Variants in CYP4F2 observed in about 807,000 individuals in gnomAD.
CYP4F2 encodes cytochrome P450 family 4 subfamily F member 2.
In CYP4F2, 58 loss-of-function variants were observed where a neutral mutation model predicts 58.9. The observed-to-expected ratio is 0.98, with a 90% CI of 0.80 to 1.23. The LOEUF (loss-of-function observed/expected upper bound fraction) is 1.23, where lower values mean the gene tolerates loss of function less well. Ranked by LOEUF, CYP4F2 falls within the 50% of genes most tolerant of loss-of-function variation. CYP4F2 has a pLI of 0.00. For synonymous variants in CYP4F2, 287 were observed against 261.1 expected (o/e 1.10, Z -0.95); for missense variants, 616 against 685.6 (o/e 0.90, Z 1.13).
chr19:15,887,773 G>A (rs1425888615), intron 7 of CYP4F2, among the ~76,000 whole-genome samples: 2 of 151,452 alleles, frequency 1.3e-5, no homozygotes, highest in Admixed American at 6.6e-5. Context: ...CATAGACACA[G>A]ATATAGACAC....
At position 15,878,678 on chromosome 19, in the gene CYP4F2, G is replaced by C; in HGVS notation, c.*93C>G. 2.0e-6 allele frequency: 3 copies of C among 1,519,366 alleles called. No individual in the cohort carries two copies. Among genetic ancestry groups the C allele is most frequent in the East Asian group, 2.3e-5 (1 of 43,448 alleles). 94.1% of individuals were successfully genotyped at this position (1,519,366 alleles called of 1,614,324 possible). On this transcript the variant is annotated 3_prime_UTR_variant, in exon 13 of 13. Coordinates refer to ENST00000221700, the MANE Select transcript of CYP4F2 (RefSeq NM_001082.5). ...GAGTAGATATCTAGGATGGAATACAGGACTGTGGAACAGGGTCTTAGGGTA... is the reference window on the plus strand; with the variant it reads ...GAGTAGATATCTAGGATGGAATACACGACTGTGGAACAGGGTCTTAGGGTA...
Position 15,878,732 on chromosome 19 carries a change from G to A in CYP4F2, c.*39C>T, listed in dbSNP as rs1387577623. The A allele has an allele frequency of 1.9e-6, 3 of 1,607,926 alleles. No homozygotes were observed. The highest frequency in any genetic ancestry group is 1.7e-5 in the Admixed American group (1 of 59,494). The stretch of plus-strand genomic sequence containing the variant: ...CTAGGCTTCACTTTTGATGAATCAG[G>A]GGTCATTTTAGTGGGGTCAGAGTGG... On this transcript the variant is annotated 3_prime_UTR_variant, in exon 13 of 13. Coordinates refer to ENST00000221700, the MANE Select transcript of CYP4F2 (RefSeq NM_001082.5).
At chr19:15,884,727 G>A (rs1338199500) in intron 9 of CYP4F2, among the ~76,000 whole-genome samples, 1 of 152,180 alleles carries the variant, frequency 6.6e-6, no homozygotes, top group East Asian at 1.9e-4. Context: ...GTGTGGACGA[G>A]AGGACACTGA....
intron 3 of CYP4F2, among the ~76,000 whole-genome samples, chr19:15,893,393 T>C (rs532470223): frequency 6.6e-6 from 1 of 152,156 alleles, no homozygotes; most frequent in South Asian, 2.1e-4. Flanking sequence ...GGCCCTCACA[T>C]GCCCCAAATG....
In CYP4F2 at chr19:15,878,941, G is replaced by A. The variant is rs1049145392; in HGVS notation, c.1398-5C>T. 6 of 1,612,570 alleles carry A rather than the reference G, an allele frequency of 3.7e-6. No individual in the cohort carries two copies. The highest frequency in any genetic ancestry group is 1.3e-5 in the African/African-American group (1 of 74,926). ...AACGTCTGCCCGATGCAGTTCCTAG[G>A]GGAGGGAGGTGGGAACTCTGACTGC... On this transcript the variant is annotated splice_polypyrimidine_tract_variant and splice_region_variant and intron_variant, in intron 12 of 12. Transcript: ENST00000221700.
chr19:15,892,535 A>G lies in CYP4F2; in HGVS notation c.391T>C (p.Trp131Arg), dbSNP rs753729579. 1.9e-6 allele frequency: 3 copies of G among 1,614,016 alleles called. No individual in the cohort carries two copies. The highest frequency in any genetic ancestry group is 2.7e-5 in the African/African-American group (2 of 74,918). ...DKFFYSFLEP[W>R]LGDGLLLSAG... The stretch of plus-strand genomic sequence containing the variant: ...TTCACCTGCAGATACTCACCCAGCC[A>G]GGGCTCCAGGAAGCTGTAGAAGAAC... Residue 131 changes from tryptophan to arginine, a missense_variant, in exon 4 of 13, where the codon TGG becomes CGG. Transcript: ENST00000221700.
At chr19:15,892,484 GC>G (rs749173384) in intron 4 of CYP4F2, 44 bp downstream of exon 4, 4 of 1,613,768 alleles carry the variant, frequency 2.5e-6, no homozygotes, top group African/African-American at 1.3e-5. Flanking sequence ...CCCTCCCCTG[GC>G]CCCCCAACGT....
intron 5 of CYP4F2, 127 bp from the exon 6 acceptor site, chr19:15,890,560 G>A: frequency 1.4e-6 from 2 of 1,423,256 alleles, no homozygotes. Context: ...CCCCTCCCCA[G>A]GGAGCACCAG....
At position 15,878,863 on chromosome 19, in the gene CYP4F2, C is replaced by A. The variant is rs1250811375; in HGVS notation, c.1471G>T (p.Val491Phe). Residue 491 changes from valine (V) to phenylalanine (F), a missense_variant, in exon 13 of 13, where the codon GTC (valine) becomes TTC (phenylalanine). Coordinates refer to ENST00000221700, the MANE Select transcript of CYP4F2 (RefSeq NM_001082.5). The stretch of plus-strand genomic sequence containing the variant: ...CGGGGCTCGGTGTGGTCAGGCAGGA[C>A]GCGGAAGCGCAGCAGCGTGAGCGCC... ...VLALTLLRFR[V>F]LPDHTEPRRK... 6.2e-7 allele frequency: 1 copy of A among 1,613,906 alleles called. No homozygotes were observed. Among genetic ancestry groups the A allele is most frequent in the Non-Finnish European group, 8.5e-7 (1 of 1,179,996 alleles).
chr19:15,896,476 T>C (rs909971348), intron 2 of CYP4F2, among the ~76,000 whole-genome samples: 2 of 152,012 alleles, frequency 1.3e-5, no homozygotes, highest in African/African-American at 4.8e-5. Context: ...TATGGGGAGG[T>C]CCTCACAGGG....
intron 6 of CYP4F2, among the ~76,000 whole-genome samples, chr19:15,889,941 C>T (rs751478482): frequency 1.3e-5 from 2 of 152,262 alleles, no homozygotes; most frequent in East Asian, 1.9e-4. Context: ...ACATTATTCT[C>T]CTATTCTCTC....
At chr19:15,890,562 G>A in intron 5 of CYP4F2, 129 bp from the exon 6 acceptor site, 1 of 1,425,516 alleles carries the variant, frequency 7.0e-7, no homozygotes, top group Non-Finnish European at 9.4e-7. Context: ...CCTCCCCAGG[G>A]AGCACCAGGT....
intron 9 of CYP4F2, among the ~76,000 whole-genome samples, chr19:15,880,996 G>T (rs1462048007): frequency 4.6e-5 from 7 of 152,188 alleles, no homozygotes; most frequent in Non-Finnish European, 1.0e-4. Context: ...TACATGCAAG[G>T]AATGGTCACT....
At chr19:15,889,933 A>G (rs1213542228) in intron 6 of CYP4F2, among the ~76,000 whole-genome samples, 2 of 152,006 alleles carry the variant, frequency 1.3e-5, no homozygotes, top group African/African-American at 4.8e-5. Flanking sequence ...TAGCTTGCAC[A>G]TTATTCTCCT....
chr19:15,896,149 T>C (rs2089446723), intron 2 of CYP4F2, among the ~76,000 whole-genome samples: 1 of 151,508 alleles, frequency 6.6e-6, no homozygotes, highest in South Asian at 2.1e-4. Flanking sequence ...ATCTATTCTA[T>C]TATCTATCTA....
intron 1 of CYP4F2, 125 bp from the exon 2 acceptor site, chr19:15,897,737 G>T (rs1469164113): frequency 2.5e-5 from 29 of 1,183,128 alleles, no homozygotes; most frequent in Non-Finnish European, 3.4e-5. Flanking sequence ...CTCAGGGATG[G>T]GTAAAAAGGG....
At position 15,884,911 on chromosome 19, in the gene CYP4F2, AC is replaced by A. The variant is rs549950722; in HGVS notation, c.1115+1012del. 3.7e-4 allele frequency among the ~76,000 whole-genome samples: 56 copies of A among 152,236 alleles called. 1 individual carries two copies. The East Asian group carries it at 9.1e-3, about 25-fold the overall frequency. On this transcript the variant is annotated intron_variant, in intron 9 of 12. Transcript: ENST00000221700. ...GTACCCAGATGTGACCTGTCCCTAC[AC>A]TGCTCAAACACTTCCCATGGCTCCC...
Position 15,892,416 on chromosome 19 carries a change from C to G in CYP4F2, c.418G>C (p.Ala140Pro). Residue 140 changes from alanine (A) to proline (P), a missense_variant, in exon 5 of 13, where the codon GCT becomes CCT. Coordinates refer to ENST00000221700, the MANE Select transcript of CYP4F2 (RefSeq NM_001082.5). ...CGGTGGCGGCTCCACTTGTCACCAG[C>G]ACTCAGCAGGAGCCCATCCCCTAGC... The part of the protein sequence containing the change: ...PWLGDGLLLS[A>P]GDKWSRHRRM... The G allele has an allele frequency of 6.2e-7, 1 of 1,614,230 alleles. No homozygotes were observed. The highest frequency in any genetic ancestry group is 8.5e-7 in the Non-Finnish European group (1 of 1,180,036).
At chr19:15,890,235 C>T in intron 6 of CYP4F2, 77 bp downstream of exon 6, 1 of 1,608,680 alleles carries the variant, frequency 6.2e-7, no homozygotes, top group South Asian at 1.1e-5. Flanking sequence ...GTCTGGTTTC[C>T]CTGCTTAGTC....
Sources: allele counts gnomAD v4.1 joint callset (sites outside exome capture counted in the v4.1 genomes callset), GRCh38; gene constraint gnomAD v4.1.1; transcripts MANE v1.5; gene names NCBI Gene and HGNC (gene_info 2026-07-23, HGNC 2026-07-21).